The following FOXP2 variants were observed in gnomAD, a reference collection of about 807,000 sequenced individuals.
The protein encoded by FOXP2 is forkhead box P2, also known as forkhead box protein P2.
FOXP2 carries 12 observed loss-of-function variants against 115.8 expected under a neutral mutation model. That is an observed-to-expected ratio of 0.10 (90% CI 0.07 to 0.17). The LOEUF is 0.17. FOXP2 is among the 10% of genes least tolerant of loss of function. The probability of loss-of-function intolerance (pLI) is 1.00; values close to 1 mark genes in which losing one functional copy is unlikely to be tolerated. For missense variants in FOXP2, 629 were observed against 843.5 expected (o/e 0.75, Z 3.15); for synonymous variants, 328 against 297.7 (o/e 1.10, Z -1.05).
At chr7:114,566,371 T>C in intron 3 of FOXP2, among the ~76,000 whole-genome samples, 1 of 151,742 alleles carries the variant, frequency 6.6e-6, no homozygotes, top group East Asian at 1.9e-4. Context: ...TCACGGGAGG[T>C]GTTTGGGTCA....
intron 3 of FOXP2, among the ~76,000 whole-genome samples, chr7:114,627,974 T>C (rs1471021772): frequency 2.6e-5 from 4 of 151,948 alleles, no homozygotes; most frequent in Non-Finnish European, 5.9e-5. Context: ...AATTATCACA[T>C]GTTGTCATAT....
intron 2 of FOXP2, among the ~76,000 whole-genome samples, chr7:114,462,200 G>A (rs1437628063): frequency 7.5e-6 from 1 of 134,068 alleles, no homozygotes; most frequent in African/African-American, 2.8e-5. Context: ...AGAATCGCTT[G>A]AACCCGGGAG....
At chr7:114,540,587 G>A (rs1324844092) in intron 3 of FOXP2, among the ~76,000 whole-genome samples, 1 of 152,004 alleles carries the variant, frequency 6.6e-6, no homozygotes, top group Non-Finnish European at 1.5e-5. Context: ...GGCCACAGTG[G>A]ATGTGCTGTA....
chr7:114,353,715 T>C (rs1378931572), intron 2 of FOXP2, among the ~76,000 whole-genome samples: 2 of 152,106 alleles, frequency 1.3e-5, no homozygotes, highest in Non-Finnish European at 2.9e-5. Context: ...ACTGGATGTC[T>C]TTCTACTCCT....
intron 2 of FOXP2, among the ~76,000 whole-genome samples, chr7:114,383,420 G>T (rs768525301): frequency 6.6e-6 from 1 of 152,074 alleles, no homozygotes; most frequent in Non-Finnish European, 1.5e-5. Context: ...TTGAAGGGGG[G>T]TCCTTATTAG....
intron 1 of FOXP2, among the ~76,000 whole-genome samples, chr7:114,133,469 C>T (rs1791946180): frequency 6.6e-6 from 1 of 152,172 alleles, no homozygotes; most frequent in South Asian, 2.1e-4. Flanking sequence ...ATGAGATCAC[C>T]AAAGGTGGGT....
intron 3 of FOXP2, among the ~76,000 whole-genome samples, chr7:114,624,404 T>C (rs138289360): frequency 3.3e-5 from 5 of 152,014 alleles, no homozygotes; most frequent in African/African-American, 9.6e-5. Context: ...AAGAAAATAA[T>C]GTTTTATACT....
chr7:114,615,944 A>G (rs1408397168), intron 3 of FOXP2, among the ~76,000 whole-genome samples: 1 of 152,212 alleles, frequency 6.6e-6, no homozygotes, highest in Admixed American at 6.5e-5. Flanking sequence ...TTATGATCTA[A>G]GATGATCCTC....
chr7:114,106,945 A>C, intron 1 of FOXP2, among the ~76,000 whole-genome samples: 1 of 151,918 alleles, frequency 6.6e-6, no homozygotes, highest in Admixed American at 6.6e-5. Context: ...TTTTCTGGAG[A>C]AATATGTTTT....
chr7:114,211,188 C>T (rs769365987), intron 1 of FOXP2, among the ~76,000 whole-genome samples: 13 of 152,172 alleles, frequency 8.5e-5, no homozygotes, highest in Non-Finnish European at 1.6e-4. Flanking sequence ...CTGTATTCAG[C>T]CCCCTTCCTA....
At chr7:114,381,783 C>G (rs1375409559) in intron 2 of FOXP2, among the ~76,000 whole-genome samples, 1 of 152,084 alleles carries the variant, frequency 6.6e-6, no homozygotes, top group African/African-American at 2.4e-5. Flanking sequence ...CATGGTTTTA[C>G]TAGGCCTTGG....
chr7:114,427,586 A>G (rs1685325258), intron 2 of FOXP2, among the ~76,000 whole-genome samples: 1 of 151,536 alleles, frequency 6.6e-6, no homozygotes. Flanking sequence ...GTAACTCTGA[A>G]TTGCACTTAA....
intron 1 of FOXP2, among the ~76,000 whole-genome samples, chr7:114,172,601 TG>T (rs1463939863): frequency 6.6e-6 from 1 of 152,150 alleles, no homozygotes; most frequent in Non-Finnish European, 1.5e-5. Context: ...GTTGGGGTTG[TG>T]GGAGAAGATA....
chr7:114,542,215 A>G (rs1799696710), intron 3 of FOXP2, among the ~76,000 whole-genome samples: 1 of 151,752 alleles, frequency 6.6e-6, no homozygotes. Context: ...AATCTTGTCT[A>G]TTTTACTTTA....
At chr7:114,102,733 C>CACACA (rs1491452861) in intron 1 of FOXP2, among the ~76,000 whole-genome samples, 1 of 140,354 alleles carries the variant, frequency 7.1e-6, no homozygotes, top group Admixed American at 7.2e-5. Flanking sequence ...CACACACACA[C>CACACA]CCCAATGGTT....
chr7:114,664,997 T>C (rs761148864), intron 16 of FOXP2: 2 of 153,968 alleles, frequency 1.3e-5, no homozygotes, highest in African/African-American at 4.8e-5. Flanking sequence ...ATTGGCAAGG[T>C]TTATAAGTTA....
At chr7:114,149,478 T>C (rs1792472239) in intron 1 of FOXP2, among the ~76,000 whole-genome samples, 1 of 152,080 alleles carries the variant, frequency 6.6e-6, no homozygotes, top group Non-Finnish European at 1.5e-5. Context: ...ATAAATCTTA[T>C]TTTCTTTACA....
In FOXP2 at chr7:114,589,754, T is replaced by C. The variant is rs1802350117; in HGVS notation, c.259-38786T>C. ...ATTAATTCCCCTGATGATTGTACCA[T>C]GGCCCACCCTTTGCCCTTTATGTTC... On this transcript the variant is annotated intron_variant, in intron 3 of 16. Coordinates refer to ENST00000350908, the MANE Select transcript of FOXP2 (RefSeq NM_014491.4). Among the ~76,000 whole-genome samples the C allele has an allele frequency of 2.0e-5, 3 of 152,164 alleles. No homozygotes were observed. The South Asian group carries it at 6.2e-4, about 32-fold the overall frequency.
chr7:114,282,739 T>C (rs1335155267), intron 1 of FOXP2, among the ~76,000 whole-genome samples: 2 of 152,292 alleles, frequency 1.3e-5, no homozygotes, highest in Admixed American at 1.3e-4. Flanking sequence ...ATGGTAATTA[T>C]AATGGGCACT....
Sources: allele counts gnomAD v4.1 joint callset (sites outside exome capture counted in the v4.1 genomes callset), GRCh38; gene constraint gnomAD v4.1.1; transcripts MANE v1.5; gene names NCBI Gene and HGNC (gene_info 2026-07-23, HGNC 2026-07-21).